The following PLCH1 variants were observed in gnomAD, a reference collection of about 807,000 sequenced individuals.
PLCH1 encodes the protein 1-phosphatidylinositol 4,5-bisphosphate phosphodiesterase eta-1.
In PLCH1, 60 loss-of-function variants were observed where a neutral mutation model predicts 126.7. The observed-to-expected ratio is 0.47, with a 90% CI of 0.38 to 0.59. The LOEUF (loss-of-function observed/expected upper bound fraction) is 0.59. Ranked by LOEUF, PLCH1 falls within the 20% of genes least tolerant of loss-of-function variation. The pLI, the probability that PLCH1 is intolerant of heterozygous loss-of-function variation, is 0.00. For missense variants in PLCH1, 1,723 were observed against 2,040.0 expected, an observed-to-expected ratio of 0.84 and a Z score of 2.99; for synonymous variants, 719 against 734.9, an observed-to-expected ratio of 0.98 and a Z score of 0.35.
At chr3:155,620,948 C>G (rs555820798) in intron 2 of PLCH1, among the ~76,000 whole-genome samples, 1 of 152,284 alleles carries the variant, frequency 6.6e-6, no homozygotes, top group Non-Finnish European at 1.5e-5. Flanking sequence ...GGTCCCTGAC[C>G]CCCATGTATC....
At chr3:155,705,846 T>C (rs932070562) in intron 1 of PLCH1, among the ~76,000 whole-genome samples, 2 of 152,144 alleles carry the variant, frequency 1.3e-5, no homozygotes, top group African/African-American at 4.8e-5. Flanking sequence ...CAAGCCATAA[T>C]AGCAACTAGG....
At chr3:155,491,004 G>A (rs1057150886) in intron 18 of PLCH1, 136 bp from the exon 19 acceptor site, 1 of 578,118 alleles carries the variant, frequency 1.7e-6, no homozygotes, top group Non-Finnish European at 3.0e-6. Flanking sequence ...AAAAAGAAAT[G>A]GTACTAGGTG....
intron 9 of PLCH1, among the ~76,000 whole-genome samples, 199 bp from the exon 10 acceptor site, chr3:155,550,157 G>A (rs1161030279): frequency 6.6e-6 from 1 of 152,140 alleles, no homozygotes; most frequent in African/African-American, 2.4e-5. Context: ...ACTTTGCTAA[G>A]CATAATGGAT....
chr3:155,544,182 TTG>T (rs1724840044), intron 10 of PLCH1, among the ~76,000 whole-genome samples: 1 of 151,490 alleles, frequency 6.6e-6, no homozygotes, highest in Non-Finnish European at 1.5e-5. Context: ...AAATAAAAGG[TTG>T]GAGGAAGATC....
chr3:155,689,229 C>T (rs549303074), intron 2 of PLCH1, among the ~76,000 whole-genome samples: 390 of 152,230 alleles, frequency 2.6e-3, no homozygotes, highest in Middle Eastern at 0.01. Flanking sequence ...GATAACTCTA[C>T]GAGTCTGAAA....
intron 15 of PLCH1, among the ~76,000 whole-genome samples, chr3:155,495,439 C>T (rs1004551990): frequency 3.3e-5 from 5 of 152,144 alleles, no homozygotes; most frequent in Non-Finnish European, 5.9e-5. Flanking sequence ...CCAAAATGGC[C>T]GCCCATATGT....
chr3:155,574,653 G>A (rs1027479621), intron 6 of PLCH1, among the ~76,000 whole-genome samples: 18 of 152,086 alleles, frequency 1.2e-4, no homozygotes, highest in East Asian at 5.8e-4. Flanking sequence ...AGACAACCAC[G>A]GTAACTATTA....
intron 11 of PLCH1, among the ~76,000 whole-genome samples, chr3:155,517,907 G>C (rs564627092): frequency 6.6e-6 from 1 of 152,278 alleles, no homozygotes; most frequent in East Asian, 1.9e-4. Flanking sequence ...AAGGAGAAAT[G>C]AGCCACAGGG....
Position 155,480,858 on chromosome 3 carries a change from A to C in PLCH1, c.*110T>G. On this transcript the variant is annotated 3_prime_UTR_variant, in exon 23 of 23. Coordinates refer to ENST00000460012, the MANE Select transcript of PLCH1 (RefSeq NM_014996.4). ...GAAGTCAAAGGGAGACCCAAATACA[A>C]GTTTAAAAATACATTTGAAAATCAT... is the stretch of plus-strand genomic sequence containing the variant. 1 of 961,140 alleles carries C rather than the reference A, an allele frequency of 1.0e-6. No homozygotes were observed. The highest frequency in any genetic ancestry group is 1.5e-6 in the Non-Finnish European group (1 of 645,198). The allele number at this position is 961,140 out of a possible 1,614,324, so 59.5% of individuals were successfully genotyped here. A position where few individuals can be genotyped will look rare whatever the true frequency, so the allele number is the denominator to read the frequency against.
intron 2 of PLCH1, chr3:155,676,216 T>C: frequency 7.8e-7 from 1 of 1,277,656 alleles, no homozygotes; most frequent in Non-Finnish European, 1.0e-6. Flanking sequence ...ATCTTCACAA[T>C]TCAGGCTTTA....
At chr3:155,594,247 A>G (rs1462609366) in intron 3 of PLCH1, 63 bp from the exon 4 acceptor site, 3 of 1,461,194 alleles carry the variant, frequency 2.1e-6, no homozygotes, top group Non-Finnish European at 2.8e-6. Context: ...TACATGCACT[A>G]AGAAACAAGA....
intron 2 of PLCH1, among the ~76,000 whole-genome samples, chr3:155,597,802 G>C (rs1373533855): frequency 6.6e-6 from 1 of 152,094 alleles, no homozygotes; most frequent in Non-Finnish European, 1.5e-5. Context: ...ATTAAGTATA[G>C]TTTCAGGATT....
At position 155,583,598 on chromosome 3, in the gene PLCH1, C is replaced by T; in HGVS notation, c.645G>A (p.Glu215=). The T allele has an allele frequency of 6.3e-7, 1 of 1,598,950 alleles. No homozygotes were observed. The highest frequency in any genetic ancestry group is 8.5e-7 in the Non-Finnish European group (1 of 1,176,082). The change falls in exon 6 of 23, where the codon GAG becomes GAA. Residue 215 remains glutamate (E), a synonymous_variant. Coordinates refer to ENST00000460012, the MANE Select transcript of PLCH1 (RefSeq NM_014996.4). Reference sequence around the variant, plus strand: ...ACATCATTTTGTAAAAAACACAGAACTCTTCAAATGTCAAAGTTCCCTGAT... The same window carrying T: ...ACATCATTTTGTAAAAAACACAGAATTCTTCAAATGTCAAAGTTCCCTGAT... ...DENQGTLTFE[E]FCVFYKMMSL...
intron 1 of PLCH1, among the ~76,000 whole-genome samples, chr3:155,708,608 CA>C (rs1479742689): frequency 6.6e-6 from 1 of 152,166 alleles, no homozygotes; most frequent in African/African-American, 2.4e-5. Context: ...ATACTACATT[CA>C]TTTATTTTTT....
At chr3:155,521,746 C>T (rs1256788957) in intron 11 of PLCH1, among the ~76,000 whole-genome samples, 1 of 152,166 alleles carries the variant, frequency 6.6e-6, no homozygotes, top group African/African-American at 2.4e-5. Context: ...ACGGCATTGC[C>T]TTTTCTCAGA....
At chr3:155,641,342 A>G (rs1739380565) in intron 2 of PLCH1, among the ~76,000 whole-genome samples, 1 of 152,030 alleles carries the variant, frequency 6.6e-6, no homozygotes. Context: ...TTAAATGGTC[A>G]TAAGTGTTAT....
At chr3:155,550,070 G>C (rs1383353547) in intron 9 of PLCH1, 112 bp from the exon 10 acceptor site, 2 of 635,558 alleles carry the variant, frequency 3.1e-6, no homozygotes, top group Non-Finnish European at 5.2e-6. Flanking sequence ...CAGTATTTGC[G>C]ATACTGATGA....
rs1333520337 is a variant in PLCH1, at chr3:155,482,265, G to C, written c.3761C>G (p.Ser1254Trp). The change falls in exon 23 of 23, where the codon TCG (serine) becomes TGG (tryptophan). Residue 1254 changes from serine (S) to tryptophan (W), a missense_variant. Around this residue, in one of 2 missense-constraint regions of PLCH1, gnomAD observed 947 missense variants for 977.1 expected, o/e 0.97. Transcript: ENST00000460012. Reference protein sequence around the residue: ...LCSSPELIALSSSETTKHATN... With the variant: ...LCSSPELIALWSSETTKHATN... ...TGCATGTTTGGTGGTCTCAGAACTC[G>C]AGAGTGCTATCAGCTCCGGAGATGA... is the stretch of plus-strand genomic sequence containing the variant. 2 of 1,614,156 alleles carry C rather than the reference G, an allele frequency of 1.2e-6. No individual in the cohort carries two copies. The highest frequency in any genetic ancestry group is 8.5e-7 in the Non-Finnish European group (1 of 1,180,006).
intron 2 of PLCH1, among the ~76,000 whole-genome samples, chr3:155,683,086 G>C (rs1991544): frequency 2.6e-4 from 40 of 152,250 alleles, no homozygotes; most frequent in African/African-American, 8.4e-4. Flanking sequence ...TGCATCAGTG[G>C]ACAGTAATTG....
Sources: allele counts gnomAD v4.1 joint callset (sites outside exome capture counted in the v4.1 genomes callset), GRCh38; gene constraint gnomAD v4.1.1; regional missense constraint gnomAD v4.1.1; transcripts MANE v1.5; gene names NCBI Gene and HGNC (gene_info 2026-07-23, HGNC 2026-07-21).